Variants in ATP11A observed in about 807,000 individuals in gnomAD.
ATP11A encodes the protein ATPase phospholipid transporting 11A.
In ATP11A, 81 loss-of-function variants were observed where a neutral mutation model predicts 154.4. That is an observed-to-expected ratio of 0.52 (90% CI 0.44 to 0.63). The LOEUF (loss-of-function observed/expected upper bound fraction) is 0.63, where lower values mean the gene tolerates loss of function less well. Ranked by LOEUF, ATP11A falls within the 30% of genes least tolerant of loss-of-function variation. ATP11A has a pLI of 0.00. For missense variants in ATP11A, 1,316 were observed against 1,474.3 expected, an observed-to-expected ratio of 0.89 and a Z score of 1.76; for synonymous variants, 623 against 585.9, an observed-to-expected ratio of 1.06 and a Z score of -0.91.
chr13:112,713,291 A>T (rs1377164428), intron 1 of ATP11A, among the ~76,000 whole-genome samples: 1 of 152,180 alleles, frequency 6.6e-6, no homozygotes, highest in Non-Finnish European at 1.5e-5. Context: ...GCTACTCAGG[A>T]GGCTGAGACA....
intron 1 of ATP11A, among the ~76,000 whole-genome samples, chr13:112,710,578 CTG>C (rs1031007237): frequency 2.0e-5 from 3 of 152,192 alleles, no homozygotes; most frequent in Non-Finnish European, 4.4e-5. Context: ...GCGGAGGCCT[CTG>C]TGGTGGCCAA....
chr13:112,749,479 G>C (rs894238231), intron 1 of ATP11A, among the ~76,000 whole-genome samples: 1 of 152,214 alleles, frequency 6.6e-6, no homozygotes, highest in Non-Finnish European at 1.5e-5. Context: ...GTTGCAACTT[G>C]TTGAGTATTA....
intron 1 of ATP11A, among the ~76,000 whole-genome samples, chr13:112,693,268 T>C (rs941523026): frequency 1.3e-5 from 2 of 152,130 alleles, no homozygotes; most frequent in Non-Finnish European, 2.9e-5. Context: ...TTGTATACCA[T>C]GAGGAGTGCT....
chr13:112,723,447 C>T, intron 1 of ATP11A, among the ~76,000 whole-genome samples: 3 of 148,028 alleles, frequency 2.0e-5, no homozygotes. Flanking sequence ...AACTTTTGTA[C>T]TTTTAGTAGA....
chr13:112,774,007 AAC>A (rs1334418707), intron 1 of ATP11A, among the ~76,000 whole-genome samples: 47 of 152,286 alleles, frequency 3.1e-4, no homozygotes, highest in African/African-American at 1.0e-3. Flanking sequence ...CAGCTCCTCA[AAC>A]ACAGTGCCCG....
At chr13:112,860,690 G>A in intron 24 of ATP11A, 1 of 319,604 alleles carries the variant, frequency 3.1e-6, no homozygotes, top group Non-Finnish European at 5.9e-6. Flanking sequence ...TCCTGAGGGA[G>A]CTGGGGTACA....
rs781025876 is a variant in ATP11A, at chr13:112,854,307, G to C, written c.2020G>C (p.Glu674Gln). The change falls in exon 19 of 30, where the codon GAG becomes CAG. Residue 674 changes from glutamate to glutamine, a missense_variant. By Grantham distance (29) the Glu-to-Gln change is conservative. This residue lies in a region of ATP11A where 876 missense variants were observed against 1,006.8 expected (regional missense o/e 0.87). Transcript: ENST00000375645. ...RLQEKAADTI[E>Q]ALQKAGIKVW... ...GCAGGAGAAAGCTGCAGACACCATCGAGGCCCTGCAGAAGGCCGGGATCAA... is the reference window on the plus strand; with the variant it reads ...GCAGGAGAAAGCTGCAGACACCATCCAGGCCCTGCAGAAGGCCGGGATCAA... 9 of 1,614,088 alleles carry C rather than the reference G, an allele frequency of 5.6e-6. No individual in the cohort carries two copies. Among genetic ancestry groups the C allele is most frequent in the Non-Finnish European group, 7.6e-6 (9 of 1,180,038 alleles).
chr13:112,737,344 G>A (rs1160338748), intron 1 of ATP11A, among the ~76,000 whole-genome samples: 1 of 152,186 alleles, frequency 6.6e-6, no homozygotes, highest in African/African-American at 2.4e-5. Context: ...AGGCTGAGCC[G>A]CACACCCAGG....
chr13:112,843,761 C>T (rs2079495449), intron 17 of ATP11A, among the ~76,000 whole-genome samples: 2 of 152,208 alleles, frequency 1.3e-5, no homozygotes, highest in Admixed American at 6.5e-5. Context: ...CTTTCGCTCG[C>T]GAGCCCGTGC....
intron 1 of ATP11A, among the ~76,000 whole-genome samples, chr13:112,742,934 A>G (rs1415765430): frequency 1.3e-5 from 2 of 152,144 alleles, no homozygotes; most frequent in African/African-American, 4.8e-5. Flanking sequence ...GGGGAGAGGC[A>G]CTCACTCAAG....
At chr13:112,711,293 CA>C (rs988804430) in intron 1 of ATP11A, among the ~76,000 whole-genome samples, 18 of 152,248 alleles carry the variant, frequency 1.2e-4, no homozygotes, top group African/African-American at 4.3e-4. Flanking sequence ...AAAATTGTCC[CA>C]AATTACTTGT....
chr13:112,847,566 C>T (rs545893950), intron 17 of ATP11A, among the ~76,000 whole-genome samples: 6 of 152,206 alleles, frequency 3.9e-5, no homozygotes, highest in Admixed American at 6.5e-5. Flanking sequence ...CATTTGATTA[C>T]GGTACCTGGA....
chr13:112,849,215 A>G (rs138192191), intron 17 of ATP11A, among the ~76,000 whole-genome samples: 1 of 152,148 alleles, frequency 6.6e-6, no homozygotes, highest in Non-Finnish European at 1.5e-5. Context: ...ATGATCCTCT[A>G]TGTGCCATTG....
chr13:112,850,282 G>A (rs913872468), intron 17 of ATP11A, among the ~76,000 whole-genome samples: 1 of 152,196 alleles, frequency 6.6e-6, no homozygotes, highest in Non-Finnish European at 1.5e-5. Flanking sequence ...GGCTGAAGGA[G>A]CAGGGAAAAC....
intron 17 of ATP11A, among the ~76,000 whole-genome samples, chr13:112,849,256 A>G (rs1175405875): frequency 6.6e-6 from 1 of 152,028 alleles, no homozygotes; most frequent in East Asian, 1.9e-4. Flanking sequence ...TGTTGAGCAT[A>G]TTTGCATCTA....
intron 1 of ATP11A, among the ~76,000 whole-genome samples, chr13:112,775,201 C>T (rs1360042074): frequency 3.9e-5 from 6 of 152,256 alleles, no homozygotes; most frequent in Admixed American, 6.5e-5. Flanking sequence ...GGGCTGGCCG[C>T]GTAGCTTCCA....
intron 1 of ATP11A, among the ~76,000 whole-genome samples, chr13:112,782,338 G>A (rs1436957068): frequency 1.3e-5 from 2 of 152,200 alleles, no homozygotes; most frequent in East Asian, 3.9e-4. Context: ...GTCTGGGCTC[G>A]TGGCCACTCC....
At chr13:112,880,440 C>T (rs551585602) in intron 29 of ATP11A, 46 of 1,009,808 alleles carry the variant, frequency 4.6e-5, no homozygotes, top group African/African-American at 4.4e-4. Flanking sequence ...ACAGGGGCTT[C>T]GAGCCTCTTC....
At chr13:112,878,091 C>A in intron 28 of ATP11A, 126 bp from the exon 29 acceptor site, 2 of 890,748 alleles carry the variant, frequency 2.2e-6, no homozygotes, top group Non-Finnish European at 3.6e-6. Flanking sequence ...GAGCCTCTGA[C>A]TAACTCAGCT....
Sources: allele counts gnomAD v4.1 joint callset (sites outside exome capture counted in the v4.1 genomes callset), GRCh38; gene constraint gnomAD v4.1.1; regional missense constraint gnomAD v4.1.1; transcripts MANE v1.5; gene names NCBI Gene and HGNC (gene_info 2026-07-23, HGNC 2026-07-21).